The following MAST3 variants were observed in gnomAD, a reference collection of about 807,000 sequenced individuals.
MAST3 encodes microtubule associated serine/threonine kinase 3.
MAST3 carries 43 observed loss-of-function variants against 127.0 expected under a neutral mutation model. The ratio of observed to expected loss-of-function variants is 0.34; its 90% confidence interval spans 0.27 to 0.44. The LOEUF (loss-of-function observed/expected upper bound fraction) is 0.44. MAST3 is among the 20% of genes least tolerant of loss of function. MAST3 has a pLI of 1.00. For missense variants in MAST3, 1,390 were observed against 1,919.1 expected (o/e 0.72, Z 5.15); for synonymous variants, 785 against 809.2 (o/e 0.97, Z 0.51).
chr19:18,131,482 C>T (rs150688309), intron 14 of MAST3, among the ~76,000 whole-genome samples: 1 of 140,078 alleles, frequency 7.1e-6, no homozygotes, highest in Admixed American at 7.1e-5. Flanking sequence ...TGGTGGATCA[C>T]GAGGTCAAGA....
rs1005155397 is a variant in MAST3 at position 18,149,965 on chromosome 19, T to C, written c.*239T>C. On this transcript the variant is annotated 3_prime_UTR_variant, in exon 28 of 28. Transcript: ENST00000687212. The surrounding 1 kb of genome is among the most constrained non-coding windows in gnomAD (Gnocchi z 5.9). ...GTAAATAGCAGCAAATCCCTGCAAC[T>C]AATTTATTACTTTTTTTTTCTTTTT... 1.6e-5 allele frequency: 7 copies of C among 439,098 alleles called. No homozygotes were observed. Among genetic ancestry groups the C allele is most frequent in the Non-Finnish European group, 2.8e-5 (7 of 252,878 alleles). The allele number at this position is 439,098 out of a possible 1,614,324, so 27.2% of individuals were successfully genotyped here. A position where few individuals can be genotyped will look rare whatever the true frequency, so the allele number is the denominator to read the frequency against.
chr19:18,143,807 C>G lies in MAST3; in HGVS notation c.2384C>G (p.Ser795Trp), dbSNP rs563002887. Residue 795 changes from serine to tryptophan, a missense_variant, in exon 22 of 28, where the codon TCG becomes TGG. Physicochemically the swap from Ser to Trp is radical, Grantham distance 177. Transcript: ENST00000687212. Reference protein sequence around the residue: ...TSSGSSCQSSSSQPERGPSPS... With the variant: ...TSSGSSCQSSWSQPERGPSPS... Reference sequence around the variant, plus strand: ...TCTGGATCCTCCTGTCAGTCATCTTCGTCCCAGCCCGAGCGGGGTCCCAGC... The same window carrying G: ...TCTGGATCCTCCTGTCAGTCATCTTGGTCCCAGCCCGAGCGGGGTCCCAGC... The G allele has an allele frequency of 6.2e-7, 1 of 1,613,690 alleles. No individual in the cohort carries two copies. Among genetic ancestry groups the G allele is most frequent in the Non-Finnish European group, 8.5e-7 (1 of 1,179,848 alleles).
In MAST3 at chr19:18,149,088, A is replaced by G; in HGVS notation, c.3509-103A>G. The G allele has an allele frequency of 5.5e-6, 7 of 1,268,018 alleles. No individual in the cohort carries two copies. The highest frequency in any genetic ancestry group is 3.1e-5 in the East Asian group (1 of 31,816). 78.5% of individuals were successfully genotyped at this position (1,268,018 alleles called of 1,614,324 possible). A position where few individuals can be genotyped will look rare whatever the true frequency, so the allele number is the denominator to read the frequency against. On this transcript the variant is annotated intron_variant, in intron 27 of 27. Transcript: ENST00000687212. This position sits in a 1 kb window ranked among gnomAD's most constrained non-coding sequence, Gnocchi z 5.9. ...ACAACCAGGCATGATGGGTGGCCAC[A>G]TGGAAGGATGTGGGCTTTAGCAGTT...
Position 18,134,659 on chromosome 19 carries a change from A to G in MAST3, c.1652A>G (p.Asn551Ser). 6.2e-7 allele frequency: 1 copy of G among 1,613,530 alleles called. No homozygotes were observed. Among genetic ancestry groups the G allele is most frequent in the Non-Finnish European group, 8.5e-7 (1 of 1,179,748 alleles). The change falls in exon 16 of 28, where the codon AAC (asparagine) becomes AGC (serine). Residue 551 changes from asparagine (N) to serine (S), a missense_variant. By Grantham distance (46) the Asn-to-Ser change is conservative. Around this residue, in one of 5 missense-constraint regions of MAST3, gnomAD observed 191 missense variants for 409.0 expected, o/e 0.47. Transcript: ENST00000687212. ...ATCGGCCTCATGAGCATGGCCACCA[A>G]CCTCTATGAGGGCCACATCGAGAAG... is the stretch of plus-strand genomic sequence containing the variant. ...SKIGLMSMAT[N>S]LYEGHIEKDA... is the part of the protein sequence containing the mutation.
intron 21 of MAST3, 28 bp downstream of exon 21, chr19:18,142,043 A>C (rs2042546958): frequency 1.4e-6 from 2 of 1,415,372 alleles, no homozygotes; most frequent in South Asian, 1.7e-5. Flanking sequence ...GTGTAGGCAG[A>C]TCCAGCTTCC....
At chr19:18,141,848 A>G in intron 20 of MAST3, 34 bp from the exon 21 acceptor site, 1 of 1,364,148 alleles carries the variant, frequency 7.3e-7, no homozygotes, top group Non-Finnish European at 9.6e-7. Context: ...GAGCCACCGC[A>G]CCCGGCTTAC....
At position 18,149,567 on chromosome 19, in the gene MAST3, C is replaced by T. The variant is rs770499148; in HGVS notation, c.3885C>T (p.Ser1295=). 16 of 1,592,670 alleles carry T rather than the reference C, an allele frequency of 1.0e-5. No individual in the cohort carries two copies. Among genetic ancestry groups the T allele is most frequent in the African/African-American group, 4.0e-5 (3 of 74,510 alleles). Residue 1295 remains serine (S), a synonymous_variant, in exon 28 of 28, where the codon TCC becomes TCT. Coordinates refer to ENST00000687212, the MANE Select transcript of MAST3 (RefSeq NM_001393504.1). This position sits in a 1 kb window ranked among gnomAD's most constrained non-coding sequence, Gnocchi z 5.9. ...TGGTCATGCGGCGGCTGCACCTGTC[C>T]GAGCGCCGAGACTCCTTCAAGAAGC... ...ELVVMRRLHL[S]ERRDSFKKQE...
Position 18,134,973 on chromosome 19 carries a change from G to A in MAST3, c.1861G>A (p.Val621Met). 3 of 1,607,596 alleles carry A rather than the reference G, an allele frequency of 1.9e-6. No homozygotes were observed. Among genetic ancestry groups the A allele is most frequent in the Admixed American group, 1.7e-5 (1 of 59,660 alleles). The change falls in exon 17 of 28, where the codon GTG becomes ATG. Residue 621 changes from valine (V) to methionine (M), a missense_variant. This residue lies in a region of MAST3 where 191 missense variants were observed against 409.0 expected (regional missense o/e 0.47). Transcript: ENST00000687212. ...GDTPEELFGQ[V>M]VSDEIMWPEG... ...TACCCCCGAGGAACTCTTCGGTCAGGTGGTCAGCGGTGCGTTTCCTCCACG... is the reference window on the plus strand; with the variant it reads ...TACCCCCGAGGAACTCTTCGGTCAGATGGTCAGCGGTGCGTTTCCTCCACG...
Position 18,123,507 on chromosome 19 carries a change from C to G in MAST3, c.558-73C>G. The G allele has an allele frequency of 2.0e-6, 3 of 1,469,672 alleles. No individual in the cohort carries two copies. The South Asian group carries it at 4.1e-5, about 20-fold the overall frequency. 91.0% of individuals were successfully genotyped at this position (1,469,672 alleles called of 1,614,324 possible). A position where few individuals can be genotyped will look rare whatever the true frequency, so the allele number is the denominator to read the frequency against. On this transcript the variant is annotated intron_variant, in intron 7 of 27. Transcript: ENST00000687212. ...TCTGATTCTTGTCCCTCAACCCTGG[C>G]TCAGATCCCCCAACATCCTCCCCTG...
chr19:18,131,025 C>T (rs2041218014), intron 14 of MAST3, among the ~76,000 whole-genome samples: 1 of 152,200 alleles, frequency 6.6e-6, no homozygotes, highest in Non-Finnish European at 1.5e-5. Flanking sequence ...AGGTAAAGTA[C>T]TATTACCAAA....
At chr19:18,140,954 C>T (rs866287935) in intron 20 of MAST3, among the ~76,000 whole-genome samples, 6 of 151,666 alleles carry the variant, frequency 4.0e-5, no homozygotes, top group African/African-American at 7.3e-5. Context: ...CCACCACACC[C>T]GGCTAATTTT....
In MAST3 at chr19:18,124,773, G is replaced by C. The variant is rs1417550657; in HGVS notation, c.1077G>C (p.Glu359Asp). 2 of 1,588,996 alleles carry C rather than the reference G, an allele frequency of 1.3e-6. No homozygotes were observed. Among genetic ancestry groups the C allele is most frequent in the Non-Finnish European group, 1.7e-6 (2 of 1,167,530 alleles). Reference sequence around the variant, plus strand: ...TGGGCCTGGCCAAGGACCCCCTGGAGGGTAAGCCGGGATGGGAAGAGGAAA... The same window carrying C: ...TGGGCCTGGCCAAGGACCCCCTGGACGGTAAGCCGGGATGGGAAGAGGAAA... ...GQLGLAKDPL[E>D]EMVPLSHLEE... is the part of the protein sequence containing the mutation. The change falls in exon 11 of 28, where the codon GAG becomes GAC. Residue 359 changes from glutamate to aspartate, a missense_variant and splice_region_variant. Glu to Asp is a conservative substitution (Grantham distance 45). Transcript: ENST00000687212.
intron 13 of MAST3, 78 bp downstream of exon 13, chr19:18,129,029 C>A: frequency 1.6e-6 from 2 of 1,212,764 alleles, no homozygotes; most frequent in Admixed American, 1.7e-5. Flanking sequence ...CTCCTGCATC[C>A]CCCTCCTACC....
intron 21 of MAST3, 139 bp from the exon 22 acceptor site, chr19:18,143,624 G>A (rs2042740726): frequency 1.9e-6 from 2 of 1,044,586 alleles, no homozygotes; most frequent in East Asian, 2.6e-5. Context: ...AGAGGACAGT[G>A]CAGACAGAAG....
intron 5 of MAST3, chr19:18,122,142 C>T (rs2040056567): frequency 1.0e-6 from 1 of 981,834 alleles, no homozygotes; most frequent in Non-Finnish European, 1.2e-6. Flanking sequence ...TTTCAACCAG[C>T]CCAGGGGGTG....
chr19:18,143,111 C>A, intron 21 of MAST3, among the ~76,000 whole-genome samples: 1 of 139,476 alleles, frequency 7.2e-6, no homozygotes, highest in Non-Finnish European at 1.6e-5. Flanking sequence ...GACTCTGTCT[C>A]AAAAAAAAAA....
intron 11 of MAST3, among the ~76,000 whole-genome samples, chr19:18,125,734 C>T: frequency 6.9e-6 from 1 of 144,062 alleles, no homozygotes; most frequent in Non-Finnish European, 1.5e-5. Context: ...GGGCAAGACT[C>T]TGTCTCAAAA....
chr19:18,145,626 A>C lies in MAST3; in HGVS notation c.3040-117A>C. ...TAGGAGTTCCCCCAGGATCAGGGAA[A>C]CTGAGACAGCACAAGAGGCAGCAGC... On this transcript the variant is annotated intron_variant, in intron 24 of 27. Coordinates refer to ENST00000687212, the MANE Select transcript of MAST3 (RefSeq NM_001393504.1). This position sits in a 1 kb window ranked among gnomAD's most constrained non-coding sequence, Gnocchi z 5.9. The C allele has an allele frequency of 1.6e-6, 2 of 1,255,492 alleles. No homozygotes were observed. The highest frequency in any genetic ancestry group is 2.1e-6 in the Non-Finnish European group (2 of 935,516). The allele number at this position is 1,255,492 out of a possible 1,614,324, so 77.8% of individuals were successfully genotyped here.
At chr19:18,141,269 A>C (rs1181952188) in intron 20 of MAST3, among the ~76,000 whole-genome samples, 1 of 152,108 alleles carries the variant, frequency 6.6e-6, no homozygotes, top group Non-Finnish European at 1.5e-5. Context: ...CCATCTGTAC[A>C]ATGGGCTAAA....
Sources: gnomAD v4.1 joint callset for allele counts (sites outside exome capture counted in the v4.1 genomes callset) on GRCh38, gnomAD v4.1.1 for gene constraint, gnomAD v4.1.1 regional missense constraint, Gnocchi (gnomAD v3.1) non-coding constraint, MANE v1.5 for transcripts, NCBI Gene and HGNC (gene_info 2026-07-23, HGNC 2026-07-21) for gene names.